LRRC49: variants seen among roughly 807,000 people sequenced by gnomAD.
The protein encoded by LRRC49 is leucine-rich repeat-containing protein 49.
In LRRC49, 50 loss-of-function variants were observed where a neutral mutation model predicts 83.3. That is an observed-to-expected ratio of 0.60 (90% CI 0.48 to 0.76). LRRC49 has a LOEUF of 0.76. Ranked by LOEUF, LRRC49 falls within the 30% of genes least tolerant of loss-of-function variation. LRRC49 has a pLI of 0.00. For synonymous variants in LRRC49, 286 were observed against 283.3 expected, an observed-to-expected ratio of 1.01 and a Z score of -0.10; for missense variants, 704 against 809.1, an observed-to-expected ratio of 0.87 and a Z score of 1.58.
In LRRC49 at chr15:71,049,648, TA is replaced by T; in HGVS notation, c.*37del. The stretch of plus-strand genomic sequence containing the variant: ...TAGTTACAGTTGATTTTGGCAGTTT[TA>T]TTTTTTGAAGGTTGAAAATATGCAG... On this transcript the variant is annotated 3_prime_UTR_variant, in exon 16 of 16. Transcript: ENST00000260382. The T allele has an allele frequency of 6.8e-7, 1 of 1,474,202 alleles. No individual in the cohort carries two copies. The highest frequency in any genetic ancestry group is 9.4e-7 in the Non-Finnish European group (1 of 1,064,866). The allele number at this position is 1,474,202 out of a possible 1,614,324, so 91.3% of individuals were successfully genotyped here.
At chr15:70,984,347 A>G in intron 11 of LRRC49, 90 bp downstream of exon 11, 1 of 1,162,044 alleles carries the variant, frequency 8.6e-7, no homozygotes, top group Non-Finnish European at 1.2e-6. Context: ...TAATTATTTT[A>G]AAAGGGTTTT....
chr15:70,904,723 A>C lies in LRRC49; in HGVS notation c.468A>C (p.Arg156Ser). ...IEEISGLSTL[R>S]CLRVLLLGKN... ...AAATTAGTGGGCTTTCGACTCTGAG[A>C]TGTCTTCGTGTCCTTCTGTTGGGGA... is the stretch of plus-strand genomic sequence containing the variant. The change falls in exon 5 of 16, where the codon AGA (arginine) becomes AGC (serine). Residue 156 changes from arginine to serine, a missense_variant. Coordinates refer to ENST00000260382, the MANE Select transcript of LRRC49 (RefSeq NM_017691.5). The C allele has an allele frequency of 6.2e-7, 1 of 1,613,592 alleles. No homozygotes were observed. The highest frequency in any genetic ancestry group is 8.5e-7 in the Non-Finnish European group (1 of 1,179,636).
At chr15:70,922,439 G>T (rs1031184765) in intron 7 of LRRC49, among the ~76,000 whole-genome samples, 6 of 151,982 alleles carry the variant, frequency 3.9e-5, no homozygotes, top group Non-Finnish European at 5.9e-5. Flanking sequence ...AACACATATC[G>T]CATGTTCTCA....
intron 7 of LRRC49, among the ~76,000 whole-genome samples, chr15:70,928,050 A>T (rs185927733): frequency 5.8e-4 from 88 of 152,260 alleles, no homozygotes; most frequent in African/African-American, 2.0e-3. Flanking sequence ...TCTTTTATTT[A>T]AAAAACTTGC....
At chr15:70,910,478 A>G (rs2034506453) in intron 5 of LRRC49, among the ~76,000 whole-genome samples, 1 of 152,232 alleles carries the variant, frequency 6.6e-6, no homozygotes, top group South Asian at 2.1e-4. Flanking sequence ...TCTTTGAGGC[A>G]GTAAACAAGG....
chr15:70,938,208 CTAGCTCTGTAGGAAGTTGG>C (rs1379764340), intron 8 of LRRC49, among the ~76,000 whole-genome samples: 2 of 151,986 alleles, frequency 1.3e-5, no homozygotes, highest in East Asian at 3.9e-4. Flanking sequence ...TCCTAAATTC[CTAGCTCTGTAGGAAGTTGG>C]TTTTGGTTGC....
intron 6 of LRRC49, among the ~76,000 whole-genome samples, chr15:70,914,125 T>G (rs2034663589): frequency 6.6e-6 from 1 of 152,074 alleles, no homozygotes; most frequent in Non-Finnish European, 1.5e-5. Context: ...AAGTTTTAAA[T>G]GAAAATCTGA....
rs145415144 is a variant in LRRC49 at position 71,052,676 on chromosome 15, T to C, written c.*3064T>C. The C allele has an allele frequency of 5.3e-4, 81 of 152,328 alleles. No individual in the cohort carries two copies. Among genetic ancestry groups the C allele is most frequent in the African/African-American group, 1.9e-3 (78 of 41,570 alleles). 9.4% of individuals were successfully genotyped at this position (152,328 alleles called of 1,614,324 possible). A position where few individuals can be genotyped will look rare whatever the true frequency, so the allele number is the denominator to read the frequency against. On this transcript the variant is annotated 3_prime_UTR_variant, in exon 16 of 16. Coordinates refer to ENST00000260382, the MANE Select transcript of LRRC49 (RefSeq NM_017691.5). ...CACTATTATAAGCTCTTTGTATACATTCTCATTTAATCTCCTAACACTGCG... is the reference window on the plus strand; with the variant it reads ...CACTATTATAAGCTCTTTGTATACACTCTCATTTAATCTCCTAACACTGCG...
intron 9 of LRRC49, among the ~76,000 whole-genome samples, chr15:70,965,683 TACA>T (rs2054392379): frequency 6.6e-6 from 1 of 152,116 alleles, no homozygotes; most frequent in South Asian, 2.1e-4. Flanking sequence ...CAGCATGTCT[TACA>T]ACATGTTCTT....
chr15:70,942,698 A>T (rs1258555058), intron 8 of LRRC49, among the ~76,000 whole-genome samples: 1 of 152,196 alleles, frequency 6.6e-6, no homozygotes, highest in Non-Finnish European at 1.5e-5. Context: ...CATGTGCACA[A>T]GGTGGTCAGG....
chr15:70,982,251 G>A (rs536767397), intron 10 of LRRC49, among the ~76,000 whole-genome samples: 2 of 152,066 alleles, frequency 1.3e-5, no homozygotes, highest in East Asian at 3.9e-4. Flanking sequence ...ACCCCTGCCA[G>A]CCAGAAATCC....
chr15:71,021,380 A>G (rs1385653338), intron 14 of LRRC49, among the ~76,000 whole-genome samples: 2 of 152,228 alleles, frequency 1.3e-5, no homozygotes, highest in Non-Finnish European at 2.9e-5. Flanking sequence ...CCAAATAATA[A>G]GCAAATATAT....
rs1376554371 is a variant in LRRC49, at chr15:71,052,371, T to C, written c.*2759T>C. 2 of 152,202 alleles carry C rather than the reference T, an allele frequency of 1.3e-5. No individual in the cohort carries two copies. The highest frequency in any genetic ancestry group is 2.9e-5 in the Non-Finnish European group (2 of 68,044). 9.4% of individuals were successfully genotyped at this position (152,202 alleles called of 1,614,324 possible). ...GGAGATACTGTACCCGATGTTCTGG[T>C]ACAGCAGCTGGATGGTGAAGTGTGC... On this transcript the variant is annotated 3_prime_UTR_variant, in exon 16 of 16. Transcript: ENST00000260382.
At chr15:71,007,984 A>G (rs984395577) in intron 11 of LRRC49, among the ~76,000 whole-genome samples, 2 of 151,708 alleles carry the variant, frequency 1.3e-5, no homozygotes, top group Admixed American at 1.3e-4. Flanking sequence ...GGTTCTTACT[A>G]TAGAAATACT....
chr15:71,008,337 G>C (rs1190983350), intron 11 of LRRC49, 42 bp from the exon 12 acceptor site: 2 of 1,173,534 alleles, frequency 1.7e-6, no homozygotes. Context: ...TAGGTATTCT[G>C]CATGATATCT....
chr15:70,939,928 A>G (rs932624368), intron 8 of LRRC49, among the ~76,000 whole-genome samples: 2 of 148,192 alleles, frequency 1.3e-5, no homozygotes, highest in African/African-American at 5.0e-5. Context: ...GTTAGTACAT[A>G]TAGTATGGTT....
chr15:70,894,738 A>C, intron 2 of LRRC49: 1 of 547,070 alleles, frequency 1.8e-6, no homozygotes. Context: ...GAGTTCACAC[A>C]TAACAGCATG....
chr15:70,876,609 T>TTA (rs1353780497), intron 2 of LRRC49, among the ~76,000 whole-genome samples: 1 of 152,204 alleles, frequency 6.6e-6, no homozygotes, highest in Non-Finnish European at 1.5e-5. Context: ...GTACTAATAG[T>TTA]ACTGCCAGTT....
At chr15:70,894,391 G>A (rs1259646753) in intron 2 of LRRC49, among the ~76,000 whole-genome samples, 1 of 152,118 alleles carries the variant, frequency 6.6e-6, no homozygotes, top group East Asian at 1.9e-4. Flanking sequence ...AAAAAAATAG[G>A]TTAGCAGTGG....
Sources: gnomAD v4.1 joint callset for allele counts (sites outside exome capture counted in the v4.1 genomes callset) on GRCh38, gnomAD v4.1.1 for gene constraint, MANE v1.5 for transcripts, NCBI Gene and HGNC (gene_info 2026-07-23, HGNC 2026-07-21) for gene names.